Variants in SEC23B observed in about 807,000 individuals in gnomAD.
SEC23B encodes SEC23 homolog B, COPII component.
A neutral mutation model predicts 104.3 loss-of-function variants in SEC23B; 77 were observed. That is an observed-to-expected ratio of 0.74 (90% confidence interval 0.61 to 0.89). The LOEUF (loss-of-function observed/expected upper bound fraction) is 0.89. SEC23B is among the 40% of genes least tolerant of loss of function. The pLI is 0.00. For missense variants in SEC23B, 885 were observed against 949.4 expected, an observed-to-expected ratio of 0.93 and a Z score of 0.89; for synonymous variants, 338 against 332.5, an observed-to-expected ratio of 1.02 and a Z score of -0.18.
At chr20:18,510,743 T>A in intron 1 of SEC23B, 79 bp from the exon 2 acceptor site, 1 of 1,099,974 alleles carries the variant, frequency 9.1e-7, no homozygotes, top group Non-Finnish European at 1.4e-6. Context: ...AAACACTGTG[T>A]TACATGACCC....
intron 4 of SEC23B, among the ~76,000 whole-genome samples, chr20:18,524,005 G>T (rs1270820409): frequency 6.6e-6 from 1 of 152,206 alleles, no homozygotes. Flanking sequence ...CATGAACCCG[G>T]CTCATATGCT....
intron 13 of SEC23B, 102 bp from the exon 14 acceptor site, chr20:18,542,917 G>T: frequency 6.9e-7 from 1 of 1,453,416 alleles, no homozygotes; most frequent in Non-Finnish European, 9.6e-7. Context: ...GGGATTTCAG[G>T]AATGAGCCAC....
At chr20:18,523,935 T>G (rs928029371) in intron 4 of SEC23B, among the ~76,000 whole-genome samples, 2 of 152,180 alleles carry the variant, frequency 1.3e-5, no homozygotes, top group African/African-American at 4.8e-5. Context: ...AGCCTGGTCT[T>G]GAACTCCTGT....
chr20:18,538,377 G>A (rs1205696972), intron 12 of SEC23B, among the ~76,000 whole-genome samples: 1 of 151,550 alleles, frequency 6.6e-6, no homozygotes, highest in Non-Finnish European at 1.5e-5. Flanking sequence ...AGCCTCCCGA[G>A]TAGCTGGGAC....
At chr20:18,512,504 G>C (rs765370288) in intron 3 of SEC23B, among the ~76,000 whole-genome samples, 6 of 152,134 alleles carry the variant, frequency 3.9e-5, no homozygotes, top group Non-Finnish European at 7.3e-5. Context: ...TGGGGAGGGG[G>C]TGTTCATTGA....
intron 4 of SEC23B, among the ~76,000 whole-genome samples, chr20:18,520,377 A>C (rs968914575): frequency 2.7e-5 from 4 of 150,890 alleles, no homozygotes. Context: ...ATTAGGTTTT[A>C]ATGGGATAGT....
At chr20:18,553,270 A>G (rs1264358840) in intron 17 of SEC23B, among the ~76,000 whole-genome samples, 1 of 152,248 alleles carries the variant, frequency 6.6e-6, no homozygotes, top group Non-Finnish European at 1.5e-5. Flanking sequence ...CCATAGGCCA[A>G]CAGTCAATCA....
intron 10 of SEC23B, among the ~76,000 whole-genome samples, chr20:18,531,715 GC>G (rs1214793938): frequency 6.7e-6 from 1 of 150,238 alleles, no homozygotes; most frequent in African/African-American, 2.5e-5. Context: ...GGGACTCATG[GC>G]CCTGATACAG....
chr20:18,555,251 A>G, intron 19 of SEC23B, 78 bp downstream of exon 19: 1 of 1,232,952 alleles, frequency 8.1e-7, no homozygotes, highest in Non-Finnish European at 1.2e-6. Flanking sequence ...TACAAATTGG[A>G]TCTCTTTTGG....
chr20:18,549,337 T>C (rs2060363723), intron 16 of SEC23B, among the ~76,000 whole-genome samples: 1 of 152,178 alleles, frequency 6.6e-6, no homozygotes, highest in South Asian at 2.1e-4. Flanking sequence ...AAATCATCTC[T>C]AGATTAGTTA....
Position 18,545,988 on chromosome 20 carries a change from C to A in SEC23B, c.1698C>A (p.Asp566Glu), listed in dbSNP as rs746418067. The part of the protein sequence containing the change: ...CQKFGQYNKE[D>E]PTSFRLSDSF... ...AGTTTGGACAGTATAACAAAGAAGA[C>A]CCCACTTCTTTTAGGTTATCAGATT... The change falls in exon 15 of 20, where the codon GAC becomes GAA. Residue 566 changes from aspartate to glutamate, a missense_variant. By Grantham distance (45) the Asp-to-Glu change is conservative. Transcript: ENST00000650089. 6 of 1,592,606 alleles carry A rather than the reference C, an allele frequency of 3.8e-6. No homozygotes were observed. The highest frequency in any genetic ancestry group is 1.1e-5 in the South Asian group (1 of 90,612).
chr20:18,537,660 A>C (rs552207860), intron 12 of SEC23B, among the ~76,000 whole-genome samples: 7 of 152,168 alleles, frequency 4.6e-5, no homozygotes, highest in Non-Finnish European at 8.8e-5. Flanking sequence ...TGGGTACAGC[A>C]CACCAGCATG....
Position 18,530,662 on chromosome 20 carries a change from T to G in SEC23B, c.1110-18T>G, listed in dbSNP as rs2060176126. On this transcript the variant is annotated intron_variant, in intron 9 of 19. Coordinates refer to ENST00000650089, the MANE Select transcript of SEC23B (RefSeq NM_006363.6). The stretch of plus-strand genomic sequence containing the variant: ...TCAATCTTCCTAATATTCACTTGAT[T>G]TTTTTCTTCTTACCTAGAGGCTACA... 6.2e-7 allele frequency: 1 copy of G among 1,611,868 alleles called. No homozygotes were observed. The highest frequency in any genetic ancestry group is 8.5e-7 in the Non-Finnish European group (1 of 1,178,372).
At chr20:18,512,475 C>T (rs559259105) in intron 3 of SEC23B, among the ~76,000 whole-genome samples, 193 bp downstream of exon 3, 1 of 152,196 alleles carries the variant, frequency 6.6e-6, no homozygotes, top group East Asian at 1.9e-4. Context: ...TTCTTGAGTC[C>T]TTGTCATTTG....
At position 18,554,226 on chromosome 20, in the gene SEC23B, T is replaced by A; in HGVS notation, c.1993-9T>A. 2 of 1,614,184 alleles carry A rather than the reference T, an allele frequency of 1.2e-6. No homozygotes were observed. Among genetic ancestry groups the A allele is most frequent in the East Asian group, 4.5e-5 (2 of 44,880 alleles). ...CCACAATAGTTTTGGTTGGTTTGTT[T>A]CTGTGTAGACCATAGCCCAGTGGCG... On this transcript the variant is annotated splice_polypyrimidine_tract_variant and intron_variant, in intron 17 of 19. Coordinates refer to ENST00000650089, the MANE Select transcript of SEC23B (RefSeq NM_006363.6).
chr20:18,554,688 G>A (rs530811382), intron 18 of SEC23B, among the ~76,000 whole-genome samples: 1 of 152,012 alleles, frequency 6.6e-6, no homozygotes, highest in African/African-American at 2.4e-5. Context: ...TTAGCTGGGC[G>A]TGGTGGCGGG....
upstream of SEC23B, chr20:18,507,692 C>G (rs2059941250): frequency 6.6e-6 from 1 of 152,392 alleles, no homozygotes; most frequent in South Asian, 2.1e-4. Context: ...CCGGGGTTTT[C>G]TGAAACAGAA....
At chr20:18,533,953 G>A (rs16979311) in intron 11 of SEC23B, among the ~76,000 whole-genome samples, 14,865 of 152,226 alleles carry the variant, frequency 0.098, 917 homozygotes, top group East Asian at 0.27. Context: ...AATATTTCTA[G>A]TAGAATTCAG....
At chr20:18,538,809 T>C (rs2060260480) in intron 12 of SEC23B, among the ~76,000 whole-genome samples, 2 of 152,202 alleles carry the variant, frequency 1.3e-5, no homozygotes, top group Admixed American at 1.3e-4. Flanking sequence ...CAAATGACTT[T>C]CTTTGCTTAT....
Sources: gnomAD v4.1 joint callset for allele counts (sites outside exome capture counted in the v4.1 genomes callset) on GRCh38, gnomAD v4.1.1 for gene constraint, MANE v1.5 for transcripts, NCBI Gene and HGNC (gene_info 2026-07-23, HGNC 2026-07-21) for gene names.